Variants in MAGI2 observed in about 807,000 individuals in gnomAD.
MAGI2 encodes the protein membrane associated guanylate kinase, WW and PDZ domain containing 2.
MAGI2 carries 35 observed loss-of-function variants against 133.3 expected under a neutral mutation model. The observed-to-expected ratio is 0.26, with a 90% CI of 0.20 to 0.35. The LOEUF (loss-of-function observed/expected upper bound fraction) is 0.35, where lower values mean the gene tolerates loss of function less well. Ranked by LOEUF, MAGI2 falls within the 10% of genes least tolerant of loss-of-function variation. The probability of loss-of-function intolerance (pLI) is 1.00; values close to 1 mark genes in which losing one functional copy is unlikely to be tolerated. For missense variants in MAGI2, 1,636 were observed against 1,863.4 expected (o/e 0.88, Z 2.25); for synonymous variants, 729 against 710.6 (o/e 1.03, Z -0.41).
intron 9 of MAGI2, among the ~76,000 whole-genome samples, chr7:78,277,930 G>A (rs1795208411): frequency 6.6e-6 from 1 of 152,038 alleles, no homozygotes; most frequent in African/African-American, 2.4e-5. Flanking sequence ...GCAAAGAGGA[G>A]GAGGAATTGG....
In MAGI2 at chr7:78,292,189, G is replaced by A. The variant is rs1218760030; in HGVS notation, c.1409-35608C>T. ...GATTGTATACTTAGAAAACCCCATT[G>A]TCTCAGCCCAAAACCTCCTTAAGCT... On this transcript the variant is annotated intron_variant, in intron 9 of 21. Transcript: ENST00000354212. Among the ~76,000 whole-genome samples the A allele has an allele frequency of 4.6e-5, 7 of 152,258 alleles. No individual in the cohort carries two copies. The East Asian group carries it at 1.4e-3, about 29-fold the overall frequency.
intron 2 of MAGI2, among the ~76,000 whole-genome samples, chr7:78,787,721 A>G (rs1826954129): frequency 2.0e-5 from 3 of 152,240 alleles, no homozygotes; most frequent in Admixed American, 6.5e-5. Context: ...ATAAAAACAG[A>G]TTTTAAACTC....
chr7:79,270,447 TGGCTAAGATTGAAGCAATCTGTG>T (rs1834797037), intron 1 of MAGI2, among the ~76,000 whole-genome samples: 2 of 152,182 alleles, frequency 1.3e-5, no homozygotes, highest in African/African-American at 4.8e-5. Context: ...ATGGTACTAT[TGGCTAAGATTGAAGCAATCTGTG>T]ATCATCAATT....
chr7:78,316,184 G>T (rs1339406889), intron 9 of MAGI2, among the ~76,000 whole-genome samples: 1 of 152,128 alleles, frequency 6.6e-6, no homozygotes, highest in Admixed American at 6.5e-5. Context: ...AGATGTAAAG[G>T]TGTCACTCAA....
At chr7:79,361,510 A>T (rs537017486) in intron 1 of MAGI2, among the ~76,000 whole-genome samples, 3 of 152,268 alleles carry the variant, frequency 2.0e-5, no homozygotes, top group African/African-American at 7.2e-5. Flanking sequence ...GGGCCTATAA[A>T]AACCCAAGAC....
intron 2 of MAGI2, among the ~76,000 whole-genome samples, chr7:78,922,225 G>A (rs1799304257): frequency 6.7e-6 from 1 of 148,970 alleles, no homozygotes; most frequent in East Asian, 2.0e-4. Context: ...AAGTTTTAGG[G>A]TACATGTGCA....
intron 21 of MAGI2, among the ~76,000 whole-genome samples, chr7:78,073,217 A>G (rs1163710110): frequency 6.6e-6 from 1 of 152,222 alleles, no homozygotes; most frequent in Non-Finnish European, 1.5e-5. Flanking sequence ...TCATTTACCA[A>G]GTGCTTGTAG....
At chr7:78,151,292 T>C (rs1823846019) in intron 16 of MAGI2, among the ~76,000 whole-genome samples, 1 of 152,016 alleles carries the variant, frequency 6.6e-6, no homozygotes, top group Non-Finnish European at 1.5e-5. Context: ...CTGAAATGGG[T>C]TGCTTTGTTA....
At chr7:79,409,859 T>A (rs1349251507) in intron 1 of MAGI2, 1 of 152,160 alleles carries the variant, frequency 6.6e-6, no homozygotes, top group Non-Finnish European at 1.5e-5. Context: ...TATTTTTTCT[T>A]ATGAAAACAA....
chr7:78,993,000 A>G (rs1805941330), intron 2 of MAGI2, among the ~76,000 whole-genome samples: 1 of 152,122 alleles, frequency 6.6e-6, no homozygotes, highest in African/African-American at 2.4e-5. Flanking sequence ...CATGTGAGAA[A>G]TATGATTATG....
chr7:78,834,036 T>C (rs1791412728), intron 2 of MAGI2, among the ~76,000 whole-genome samples: 1 of 152,172 alleles, frequency 6.6e-6, no homozygotes. Flanking sequence ...TCTCACTCTT[T>C]TGCCCAAGCT....
At chr7:79,102,752 AAGAG>A (rs1818094850) in intron 1 of MAGI2, among the ~76,000 whole-genome samples, 1 of 152,228 alleles carries the variant, frequency 6.6e-6, no homozygotes, top group Admixed American at 6.5e-5. Context: ...TTTAGAAAGA[AAGAG>A]AGAAAAGGAT....
intron 2 of MAGI2, among the ~76,000 whole-genome samples, chr7:78,734,659 G>T (rs1821677493): frequency 6.6e-6 from 1 of 152,176 alleles, no homozygotes; most frequent in Non-Finnish European, 1.5e-5. Context: ...AAGAGGTCTT[G>T]TATGTTTCCG....
intron 2 of MAGI2, among the ~76,000 whole-genome samples, chr7:78,924,312 T>C (rs973214703): frequency 6.6e-6 from 1 of 152,188 alleles, no homozygotes; most frequent in East Asian, 1.9e-4. Flanking sequence ...GCCCATTCAG[T>C]ATGATATTGG....
chr7:79,396,865 CAG>C lies in MAGI2; in HGVS notation c.301+56153_301+56154del, dbSNP rs202101446. 8.9e-3 allele frequency among the ~76,000 whole-genome samples: 1,279 copies of C among 143,802 alleles called. 11 individuals are homozygous for C. Among genetic ancestry groups the C allele is most frequent in the African/African-American group, 0.034 (1,225 of 36,496 alleles). The allele number at this position is 143,802 out of a possible 152,430, so 94.3% of individuals were successfully genotyped here. ...AAACTGACAGCATTGACCTGGAAGACAGAGTCACATTTCACATATATTAAGTG... is the reference window on the plus strand; with the variant it reads ...AAACTGACAGCATTGACCTGGAAGACAGTCACATTTCACATATATTAAGTG... On this transcript the variant is annotated intron_variant, in intron 1 of 21. Coordinates refer to ENST00000354212, the MANE Select transcript of MAGI2 (RefSeq NM_012301.4).
intron 14 of MAGI2, among the ~76,000 whole-genome samples, chr7:78,177,064 T>C (rs1826707215): frequency 6.6e-6 from 1 of 151,912 alleles, no homozygotes. Flanking sequence ...CCTTTATATA[T>C]ATATATATTA....
intron 1 of MAGI2, among the ~76,000 whole-genome samples, chr7:79,166,997 T>A (rs1437034189): frequency 6.6e-6 from 1 of 152,036 alleles, no homozygotes; most frequent in Non-Finnish European, 1.5e-5. Flanking sequence ...GGTATACTAC[T>A]CCTCAGGAGT....
chr7:78,215,515 A>G (rs1423906310), intron 10 of MAGI2, among the ~76,000 whole-genome samples: 1 of 152,228 alleles, frequency 6.6e-6, no homozygotes, highest in African/African-American at 2.4e-5. Context: ...TACCTGTGGT[A>G]GGAGGAAAAT....
chr7:79,316,826 G>A (rs1380801896), intron 1 of MAGI2, among the ~76,000 whole-genome samples: 1 of 152,072 alleles, frequency 6.6e-6, no homozygotes, highest in Non-Finnish European at 1.5e-5. Flanking sequence ...CAGTTATCCT[G>A]TGTGGTGAGT....
Sources: gnomAD v4.1 joint callset for allele counts (sites outside exome capture counted in the v4.1 genomes callset) on GRCh38, gnomAD v4.1.1 for gene constraint, MANE v1.5 for transcripts, NCBI Gene and HGNC (gene_info 2026-07-23, HGNC 2026-07-21) for gene names.